MAPK10: variants seen among roughly 807,000 people sequenced by gnomAD.
MAPK10 encodes mitogen-activated protein kinase 10, also known as JNK3 alpha protein kinase.
In MAPK10, 25 loss-of-function variants were observed where a neutral mutation model predicts 59.3. The ratio of observed to expected loss-of-function variants is 0.42; its 90% CI spans 0.31 to 0.59. The LOEUF (loss-of-function observed/expected upper bound fraction) is 0.59, where lower values mean the gene tolerates loss of function less well. Ranked by LOEUF, MAPK10 falls within the 20% of genes least tolerant of loss-of-function variation. The pLI, the probability that MAPK10 is intolerant of heterozygous loss-of-function variation, is 0.15. For synonymous variants in MAPK10, 190 were observed against 200.5 expected, an observed-to-expected ratio of 0.95 and a Z score of 0.44; for missense variants, 351 against 568.9, an observed-to-expected ratio of 0.62 and a Z score of 3.90.
chr4:86,430,656 A>G (rs1261452344), intron 1 of MAPK10, among the ~76,000 whole-genome samples: 3 of 152,204 alleles, frequency 2.0e-5, no homozygotes, highest in Non-Finnish European at 4.4e-5. Flanking sequence ...CATTTAAGCT[A>G]AGACCTAAAG....
intron 4 of MAPK10, chr4:86,120,281 C>G (rs1274004365): frequency 6.6e-6 from 1 of 152,178 alleles, no homozygotes; most frequent in Non-Finnish European, 1.5e-5. Flanking sequence ...TTGGTAGACA[C>G]TAAATTGAAG....
At position 86,068,494 on chromosome 4, in the gene MAPK10, T is replaced by A. The variant is rs569453578; in HGVS notation, c.803-539A>T. Among the ~76,000 whole-genome samples, 6 of 152,278 alleles carry A rather than the reference T, an allele frequency of 3.9e-5. No individual in the cohort carries two copies. The East Asian group carries it at 5.8e-4, about 15-fold the overall frequency. ...TTTTTATGCATATCAACATAACTTTTATAGTAAAACAACTCATTAGTTCTT... is the reference window on the plus strand; with the variant it reads ...TTTTTATGCATATCAACATAACTTTAATAGTAAAACAACTCATTAGTTCTT... On this transcript the variant is annotated intron_variant, in intron 9 of 13. Transcript: ENST00000641462.
intron 2 of MAPK10, among the ~76,000 whole-genome samples, chr4:86,329,727 ACCTTAT>A (rs1393020635): frequency 6.6e-6 from 1 of 152,134 alleles, no homozygotes; most frequent in South Asian, 2.1e-4. Context: ...TTGCTGAATA[ACCTTAT>A]CCTCTAGTCT....
intron 2 of MAPK10, among the ~76,000 whole-genome samples, chr4:86,234,655 C>T (rs1019772861): frequency 3.9e-5 from 6 of 151,996 alleles, no homozygotes; most frequent in African/African-American, 1.4e-4. Flanking sequence ...CAACTTTTTC[C>T]ATTTAAAATC....
chr4:86,407,227 C>T (rs1744471111), intron 1 of MAPK10, among the ~76,000 whole-genome samples: 1 of 152,122 alleles, frequency 6.6e-6, no homozygotes, highest in African/African-American at 2.4e-5. Context: ...TTATGTTTAA[C>T]ATTTAGAACA....
chr4:86,388,916 GAATT>G (rs1365738704), intron 1 of MAPK10, among the ~76,000 whole-genome samples: 1 of 152,118 alleles, frequency 6.6e-6, no homozygotes, highest in African/African-American at 2.4e-5. Context: ...ATAAGCAAAT[GAATT>G]AATAAATGAA....
At chr4:86,234,078 A>C (rs1196165782) in intron 2 of MAPK10, among the ~76,000 whole-genome samples, 1 of 152,216 alleles carries the variant, frequency 6.6e-6, no homozygotes, top group East Asian at 1.9e-4. Flanking sequence ...AAAGAAAATT[A>C]AACTTTAAGT....
chr4:86,062,291 T>G (rs961530729), intron 11 of MAPK10, among the ~76,000 whole-genome samples: 3 of 152,116 alleles, frequency 2.0e-5, no homozygotes, highest in Admixed American at 6.6e-5. Flanking sequence ...CCCCTAAAAT[T>G]CATACATCCT....
intron 9 of MAPK10, among the ~76,000 whole-genome samples, chr4:86,069,115 C>A (rs1466279096): frequency 6.6e-6 from 1 of 152,080 alleles, no homozygotes; most frequent in Non-Finnish European, 1.5e-5. Context: ...TTACTCCTAG[C>A]TATTCAAGAG....
chr4:86,561,999 C>T (rs779282907), intron 1 of MAPK10, among the ~76,000 whole-genome samples: 1 of 152,216 alleles, frequency 6.6e-6, no homozygotes, highest in South Asian at 2.1e-4. Context: ...CCCACTCGAT[C>T]CTTTCTAAAT....
Position 86,255,916 on chromosome 4 carries a change from T to G in MAPK10, c.-6-61509A>C, listed in dbSNP as rs569925106. Among the ~76,000 whole-genome samples the G allele has an allele frequency of 2.0e-5, 3 of 152,244 alleles. No individual in the cohort carries two copies. The South Asian group carries it at 6.2e-4, about 32-fold the overall frequency. On this transcript the variant is annotated intron_variant, in intron 2 of 13. Transcript: ENST00000641462. ...TTACCTATTTATTCACAGCATCAAA[T>G]TGTCCCTGGTGTGTGCTTAGTACCT...
intron 4 of MAPK10, among the ~76,000 whole-genome samples, chr4:86,155,135 C>T (rs2067387109): frequency 3.3e-5 from 5 of 151,930 alleles, no homozygotes; most frequent in African/African-American, 1.2e-4. Context: ...CTAAACACAT[C>T]AGAGTAAATA....
At chr4:86,393,776 T>C (rs116054696) in intron 1 of MAPK10, among the ~76,000 whole-genome samples, 1,698 of 152,274 alleles carry the variant, frequency 0.011, 29 homozygotes, top group African/African-American at 0.037. Flanking sequence ...ACGACACCAG[T>C]GACAACAATA....
chr4:86,328,946 C>T (rs1026503899), intron 2 of MAPK10, among the ~76,000 whole-genome samples: 4 of 152,122 alleles, frequency 2.6e-5, no homozygotes, highest in African/African-American at 9.7e-5. Flanking sequence ...TGCAGCAAAC[C>T]ACCATGGCAC....
intron 1 of MAPK10, chr4:86,593,904 A>C (rs918431927): frequency 1.3e-5 from 2 of 152,228 alleles, no homozygotes; most frequent in African/African-American, 2.4e-5. Flanking sequence ...AGGAGCCAGC[A>C]CTTACGCATT....
intron 3 of MAPK10, among the ~76,000 whole-genome samples, chr4:86,187,688 A>C (rs1247202941): frequency 6.6e-6 from 1 of 152,262 alleles, no homozygotes; most frequent in East Asian, 1.9e-4. Context: ...TTATAATAAA[A>C]CTTGAAAAAA....
chr4:86,024,564 A>G (rs1035972014), intron 13 of MAPK10: 33 of 152,088 alleles, frequency 2.2e-4, no homozygotes, highest in African/African-American at 8.0e-4. Flanking sequence ...ATTATACTTC[A>G]TTTCTCCTGT....
intron 1 of MAPK10, among the ~76,000 whole-genome samples, chr4:86,395,795 G>T (rs1028732666): frequency 2.6e-5 from 4 of 152,126 alleles, no homozygotes; most frequent in African/African-American, 9.7e-5. Context: ...GTTCTCAAAG[G>T]GCAGAGAAAG....
At chr4:86,438,976 T>C (rs1749099193) in intron 1 of MAPK10, among the ~76,000 whole-genome samples, 1 of 152,200 alleles carries the variant, frequency 6.6e-6, no homozygotes, top group Admixed American at 6.5e-5. Context: ...GCTGGGCCCT[T>C]TGGTCAATCA....
Sources: allele counts gnomAD v4.1 joint callset (sites outside exome capture counted in the v4.1 genomes callset), GRCh38; gene constraint gnomAD v4.1.1; transcripts MANE v1.5; gene names NCBI Gene and HGNC (gene_info 2026-07-23, HGNC 2026-07-21).